Variants in DYRK4 observed in about 807,000 individuals in gnomAD.
DYRK4 encodes dual specificity tyrosine-phosphorylation-regulated kinase 4.
A neutral mutation model predicts 68.3 loss-of-function variants in DYRK4; 64 were observed. The observed-to-expected ratio is 0.94, with a 90% CI of 0.77 to 1.15. The LOEUF is 1.15. DYRK4 is among the 50% of genes most tolerant of loss of function. DYRK4 has a pLI of 0.00. For synonymous variants in DYRK4, 274 were observed against 289.9 expected (o/e 0.95, Z 0.56); for missense variants, 740 against 764.7 (o/e 0.97, Z 0.38).
At chr12:4,572,479 T>C (rs1944742192) in intron 2 of DYRK4, among the ~76,000 whole-genome samples, 1 of 152,198 alleles carries the variant, frequency 6.6e-6, no homozygotes, top group Non-Finnish European at 1.5e-5. Context: ...GTATTTTTAG[T>C]AGAGACGGAG....
intron 10 of DYRK4, chr12:4,603,473 T>C (rs1249540541): frequency 1.0e-5 from 3 of 286,768 alleles, no homozygotes; most frequent in Non-Finnish European, 2.0e-5. Context: ...TTCCCTTCTC[T>C]CCCTCTGTTT....
Position 4,591,316 on chromosome 12 carries a change from T to A in DYRK4, c.463+18T>A, listed in dbSNP as rs780249445. On this transcript the variant is annotated intron_variant, in intron 5 of 14. Transcript: ENST00000543431. This position sits in a 1 kb window ranked among gnomAD's most constrained non-coding sequence, Gnocchi z 4.1. ...AGCGGCAGGTATGCCTTTGGGGCAG[T>A]AGCAGGGTGGGGAGGTGCTTATGGA... 3 of 1,613,028 alleles carry A rather than the reference T, an allele frequency of 1.9e-6. No homozygotes were observed. In the Admixed American group the frequency reaches 5.0e-5, roughly 27 times the overall value.
In DYRK4 at chr12:4,567,969, C is replaced by T; in HGVS notation, c.53C>T (p.Ala18Val). 3 of 1,536,070 alleles carry T rather than the reference C, an allele frequency of 2.0e-6. No individual in the cohort carries two copies. The highest frequency in any genetic ancestry group is 1.4e-5 in the African/African-American group (1 of 73,136). ...CCCTCATGCAGGACTCAAATGGATGCTAAAAAGCCAAGGAAATGTGATTTG... is the reference window on the plus strand; with the variant it reads ...CCCTCATGCAGGACTCAAATGGATGTTAAAAAGCCAAGGAAATGTGATTTG... ...IRTGTKTQMD[A>V]KKPRKCDLTP... The change falls in exon 2 of 15, where the codon GCT becomes GTT. Residue 18 changes from alanine to valine, a missense_variant. Ala to Val is a moderately conservative substitution (Grantham distance 64, BLOSUM62 0). Coordinates refer to ENST00000543431, the MANE Select transcript of DYRK4 (RefSeq NM_001394779.1).
intron 9 of DYRK4, chr12:4,599,490 G>A: frequency 1.7e-6 from 1 of 574,622 alleles, no homozygotes; most frequent in Non-Finnish European, 3.1e-6. Flanking sequence ...AAGAAACTGT[G>A]CAAAGCAGTG....
chr12:4,581,993 C>A (rs1240853085), intron 2 of DYRK4, among the ~76,000 whole-genome samples: 1 of 152,094 alleles, frequency 6.6e-6, no homozygotes, highest in Non-Finnish European at 1.5e-5. Flanking sequence ...CCTGAGGCAC[C>A]TTTATACAGT....
Position 4,610,178 on chromosome 12 carries a change from A to G in DYRK4, c.1384A>G (p.Ile462Val). 2 of 1,599,458 alleles carry G rather than the reference A, an allele frequency of 1.3e-6. No individual in the cohort carries two copies. The highest frequency in any genetic ancestry group is 1.7e-6 in the Non-Finnish European group (2 of 1,175,232). Residue 462 changes from isoleucine (I) to valine (V), a missense_variant, in exon 13 of 15, where the codon ATA (isoleucine) becomes GTA (valine). Physicochemically the swap from Ile to Val is conservative, Grantham distance 29. Coordinates refer to ENST00000543431, the MANE Select transcript of DYRK4 (RefSeq NM_001394779.1). ...AGATTCCAAAGGTTTTCCTAAAAAT[A>G]TAACCAACAACAGGGGGAAAAAAAG... ...FFDSKGFPKN[I>V]TNNRGKKRYP...
rs146793162 is a variant in DYRK4 at position 4,596,259 on chromosome 12, C to T, written c.738C>T (p.Ala246=). Residue 246 remains alanine, a synonymous_variant, in exon 7 of 15, where the codon GCC becomes GCT. Transcript: ENST00000543431. ...CLDHKNNELV[A]LKIIRNKKRF... ...ATCACAAAAACAATGAGCTGGTGGC[C>T]CTGAAAATCATCAGGAACAAGAAGA... 1.9e-6 allele frequency: 3 copies of T among 1,614,048 alleles called. No homozygotes were observed. Among genetic ancestry groups the T allele is most frequent in the Non-Finnish European group, 1.7e-6 (2 of 1,179,994 alleles).
chr12:4,587,649 A>G (rs1944911031), intron 2 of DYRK4, among the ~76,000 whole-genome samples: 1 of 152,212 alleles, frequency 6.6e-6, no homozygotes, highest in Admixed American at 6.5e-5. Context: ...CACATTAGCG[A>G]ATTAACGTGG....
chr12:4,590,098 T>A, intron 3 of DYRK4: 1 of 1,255,166 alleles, frequency 8.0e-7, no homozygotes, highest in Non-Finnish European at 1.0e-6. Flanking sequence ...GTTGAAAGCC[T>A]GCAGCTAGTA....
chr12:4,565,557 T>A (rs1944667647), intron 1 of DYRK4, among the ~76,000 whole-genome samples: 1 of 152,176 alleles, frequency 6.6e-6, no homozygotes. Context: ...GTTTGCTCCT[T>A]CTCTGCCTCC....
chr12:4,593,500 A>G (rs997560694), intron 6 of DYRK4, among the ~76,000 whole-genome samples: 1 of 152,172 alleles, frequency 6.6e-6, no homozygotes, highest in Non-Finnish European at 1.5e-5. Context: ...AGTTTTCCCA[A>G]CATTCCCTTT....
At chr12:4,589,157 C>T (rs1338211293) in intron 3 of DYRK4, 140 bp downstream of exon 3, 2 of 657,480 alleles carry the variant, frequency 3.0e-6, no homozygotes, top group Non-Finnish European at 5.1e-6. Context: ...TCCACGTCAC[C>T]ACACCCCATC....
intron 2 of DYRK4, among the ~76,000 whole-genome samples, chr12:4,569,323 A>G (rs866297210): frequency 7.9e-5 from 12 of 152,266 alleles, no homozygotes; most frequent in African/African-American, 2.9e-4. Flanking sequence ...AAACATGCTA[A>G]TATAATAAAG....
intron 1 of DYRK4, among the ~76,000 whole-genome samples, chr12:4,564,799 A>AAC (rs1944660506): frequency 6.6e-6 from 1 of 152,222 alleles, no homozygotes; most frequent in East Asian, 1.9e-4. Context: ...CAGACAAGTC[A>AAC]CTGTCCTTAC....
At chr12:4,604,788 T>G in intron 10 of DYRK4, 126 bp from the exon 11 acceptor site, 3 of 1,200,160 alleles carry the variant, frequency 2.5e-6, no homozygotes, top group Non-Finnish European at 2.2e-6. Context: ...TTCTAAGTGC[T>G]GGCCAGCTGC....
Position 4,610,202 on chromosome 12 carries a change from A to G in DYRK4, c.1408A>G (p.Arg470Gly). Reference sequence around the variant, plus strand: ...TATAACCAACAACAGGGGGAAAAAAAGATACCCAGATTCCAAGGACCTCAC... The same window carrying G: ...TATAACCAACAACAGGGGGAAAAAAGGATACCCAGATTCCAAGGACCTCAC... The part of the protein sequence containing the change: ...KNITNNRGKK[R>G]YPDSKDLTMV... Residue 470 changes from arginine (R) to glycine (G), a missense_variant, in exon 13 of 15, where the codon AGA becomes GGA. This residue lies in a region of DYRK4 where 614 missense variants were observed against 603.7 expected (regional missense o/e 1.02). Coordinates refer to ENST00000543431, the MANE Select transcript of DYRK4 (RefSeq NM_001394779.1). 2 of 1,601,958 alleles carry G rather than the reference A, an allele frequency of 1.2e-6. No homozygotes were observed. The highest frequency in any genetic ancestry group is 8.5e-7 in the Non-Finnish European group (1 of 1,175,198).
At position 4,591,304 on chromosome 12, in the gene DYRK4, C is replaced by A. The variant is rs555808311; in HGVS notation, c.463+6C>A. On this transcript the variant is annotated splice_donor_region_variant and intron_variant, in intron 5 of 14. Transcript: ENST00000543431. This position sits in a 1 kb window ranked among gnomAD's most constrained non-coding sequence, Gnocchi z 4.1. ...GGTGACTCTGACAGCGGCAGGTATG[C>A]CTTTGGGGCAGTAGCAGGGTGGGGA... is the stretch of plus-strand genomic sequence containing the variant. The A allele has an allele frequency of 1.9e-6, 3 of 1,613,586 alleles. No individual in the cohort carries two copies. The highest frequency in any genetic ancestry group is 2.5e-6 in the Non-Finnish European group (3 of 1,179,770).
Position 4,591,138 on chromosome 12 carries a change from G to A in DYRK4, c.325-22G>A, listed in dbSNP as rs2137363061. On this transcript the variant is annotated intron_variant, in intron 4 of 14. Transcript: ENST00000543431. This position sits in a 1 kb window ranked among gnomAD's most constrained non-coding sequence, Gnocchi z 4.1. ...GGAGAGTCCTAAGTAGTTATTTATT[G>A]CAAACCTCTTTTCCTGGACAGGAGA... The A allele has an allele frequency of 1.2e-6, 2 of 1,612,538 alleles. No homozygotes were observed. Among genetic ancestry groups the A allele is most frequent in the Non-Finnish European group, 1.7e-6 (2 of 1,179,376 alleles).
At position 4,604,918 on chromosome 12, in the gene DYRK4, C is replaced by T; in HGVS notation, c.1131C>T (p.Tyr377=). The change falls in exon 11 of 15, where the codon TAC becomes TAT. Residue 377 remains tyrosine, a synonymous_variant. Coordinates refer to ENST00000543431, the MANE Select transcript of DYRK4 (RefSeq NM_001394779.1). The stretch of plus-strand genomic sequence containing the variant: ...TCTCTTACTTTGCCTCCGCAGTATA[C>T]ACGTACATCCAAAGCCGGTTCTACC... ...GSSCYEHQKV[Y]TYIQSRFYRS... is the part of the protein sequence containing the mutation. 1 of 1,605,818 alleles carries T rather than the reference C, an allele frequency of 6.2e-7. No individual in the cohort carries two copies. Among genetic ancestry groups the T allele is most frequent in the East Asian group, 2.2e-5 (1 of 44,474 alleles).
Sources: allele counts gnomAD v4.1 joint callset (sites outside exome capture counted in the v4.1 genomes callset), GRCh38; gene constraint gnomAD v4.1.1; regional missense constraint gnomAD v4.1.1; non-coding constraint Gnocchi (gnomAD v3.1); transcripts MANE v1.5; gene names NCBI Gene and HGNC (gene_info 2026-07-23, HGNC 2026-07-21).